Variants in PHAF1 observed in about 807,000 individuals in gnomAD.
PHAF1 encodes phagosome assembly factor 1.
A neutral mutation model predicts 63.1 loss-of-function variants in PHAF1; 23 were observed. The ratio of observed to expected loss-of-function variants is 0.36; its 90% CI spans 0.26 to 0.52. The LOEUF (loss-of-function observed/expected upper bound fraction) is 0.52. Among genes scored for constraint, PHAF1 ranks in the 20% least tolerant of loss-of-function variants. The pLI is 0.93. For missense variants in PHAF1, 427 were observed against 517.2 expected (o/e 0.83, Z 1.69); for synonymous variants, 167 against 185.0 (o/e 0.90, Z 0.79).
intron 4 of PHAF1, 76 bp downstream of exon 4, chr16:67,131,405 A>G: frequency 2.8e-6 from 3 of 1,088,134 alleles, no homozygotes; most frequent in Non-Finnish European, 4.0e-6. Context: ...TAAGTTAGTA[A>G]AGATTCACAT....
At position 67,126,047 on chromosome 16, in the gene PHAF1, CTA is replaced by C. The variant is rs1274675840; in HGVS notation, c.231+8_231+9del. ...GCTTTCAATCAGAGACTTAAGGTAACTATAAATGACAACTAATGTTTCATGTC... is the reference window on the plus strand; with the variant it reads ...GCTTTCAATCAGAGACTTAAGGTAACTAAATGACAACTAATGTTTCATGTC... On this transcript the variant is annotated splice_donor_region_variant and intron_variant, in intron 3 of 15. Transcript: ENST00000219139. The C allele has an allele frequency of 6.3e-7, 1 of 1,598,648 alleles. No individual in the cohort carries two copies. Among genetic ancestry groups the C allele is most frequent in the African/African-American group, 1.3e-5 (1 of 74,598 alleles).
Position 67,132,449 on chromosome 16 carries a change from C to T in PHAF1, c.279C>T (p.Gly93=), listed in dbSNP as rs141238675. 8.1e-6 allele frequency: 13 copies of T among 1,600,104 alleles called. No homozygotes were observed. The East Asian group carries it at 1.1e-4, about 14-fold the overall frequency. Residue 93 remains glycine (G), a synonymous_variant, in exon 5 of 16, where the codon GGC becomes GGT. Transcript: ENST00000219139. ...DLTKVKLKYC[G]VHFNSQAIAP... ...AAAAAATATTTTTGTTTTTCAGTGG[C>T]GTGCATTTTAATTCTCAGGCCATAG...
Position 67,118,586 on chromosome 16 carries a change from C to T in PHAF1, c.65-1526C>T, listed in dbSNP as rs139867477. On this transcript the variant is annotated intron_variant, in intron 1 of 15. Transcript: ENST00000219139. ...TTCTAACCTGATGATCTGCCCATCT[C>T]GGCCTCCCAAAGTGCTGGGATTACA... Among the ~76,000 whole-genome samples the T allele has an allele frequency of 5.2e-4, 79 of 151,812 alleles. 3 individuals carry two copies. The highest frequency in any genetic ancestry group is 3.6e-3 in the Admixed American group (55 of 15,194).
At chr16:67,124,106 G>GA (rs897280244) in intron 2 of PHAF1, among the ~76,000 whole-genome samples, 72 of 143,008 alleles carry the variant, frequency 5.0e-4, no homozygotes, top group East Asian at 1.4e-3. Context: ...ACAATGCCAG[G>GA]AAAAAAAAAA....
intron 1 of PHAF1, among the ~76,000 whole-genome samples, chr16:67,112,535 CAAG>C (rs1360931487): frequency 6.7e-6 from 1 of 149,182 alleles, no homozygotes; most frequent in Admixed American, 6.7e-5. Flanking sequence ...GACCCTGTCT[CAAG>C]GAGACAAAAA....
At position 67,144,380 on chromosome 16, in the gene PHAF1, A is replaced by T; in HGVS notation, c.962+4A>T. 1 of 1,584,548 alleles carries T rather than the reference A, an allele frequency of 6.3e-7. No individual in the cohort carries two copies. Among genetic ancestry groups the T allele is most frequent in the Non-Finnish European group, 8.7e-7 (1 of 1,153,104 alleles). Reference sequence around the variant, plus strand: ...CTGGGCATTATAATTTCAACATGTGAGTACACCTGTCTGTACCTCCCCTCT... The same window carrying T: ...CTGGGCATTATAATTTCAACATGTGTGTACACCTGTCTGTACCTCCCCTCT... On this transcript the variant is annotated splice_donor_region_variant and intron_variant, in intron 11 of 15. Coordinates refer to ENST00000219139, the MANE Select transcript of PHAF1 (RefSeq NM_025187.5).
chr16:67,145,640 T>A lies in PHAF1; in HGVS notation c.1109+12T>A, dbSNP rs375483976. The A allele has an allele frequency of 1.2e-6, 2 of 1,607,970 alleles. No individual in the cohort carries two copies. Among genetic ancestry groups the A allele is most frequent in the Admixed American group, 1.7e-5 (1 of 58,486 alleles). Reference sequence around the variant, plus strand: ...GTTGTCCTGCACAGGTGAGTGGGAGTTTGATGTCCCCGGCCACCCCACCTG... The same window carrying A: ...GTTGTCCTGCACAGGTGAGTGGGAGATTGATGTCCCCGGCCACCCCACCTG... On this transcript the variant is annotated intron_variant, in intron 14 of 15. Coordinates refer to ENST00000219139, the MANE Select transcript of PHAF1 (RefSeq NM_025187.5).
At chr16:67,140,189 T>A in intron 9 of PHAF1, 72 bp downstream of exon 9, 1 of 1,518,846 alleles carries the variant, frequency 6.6e-7, no homozygotes, top group Non-Finnish European at 8.9e-7. Context: ...ATAAACTGTT[T>A]GCTATTTTCC....
chr16:67,111,996 A>G (rs1379089158), intron 1 of PHAF1, among the ~76,000 whole-genome samples: 5 of 152,146 alleles, frequency 3.3e-5, no homozygotes, highest in East Asian at 1.9e-4. Flanking sequence ...GTTCTTTCCA[A>G]AATATTAGCT....
chr16:67,136,258 A>G (rs550755201), intron 8 of PHAF1: 2 of 152,326 alleles, frequency 1.3e-5, no homozygotes, highest in Admixed American at 1.3e-4. Flanking sequence ...GAGCTGAGAT[A>G]GCGCCATTGC....
Position 67,139,966 on chromosome 16 carries a change from C to T in PHAF1, c.662-18C>T. On this transcript the variant is annotated intron_variant, in intron 8 of 15. Coordinates refer to ENST00000219139, the MANE Select transcript of PHAF1 (RefSeq NM_025187.5). ...TCCTAACCATAACCTGACAACCTCT[C>T]TGTCTTGTTTTTTGCAGGTTGTGGA... 1 of 1,614,028 alleles carries T rather than the reference C, an allele frequency of 6.2e-7. No individual in the cohort carries two copies. The highest frequency in any genetic ancestry group is 8.5e-7 in the Non-Finnish European group (1 of 1,179,974).
rs200363425 is a variant in PHAF1 at position 67,110,261 on chromosome 16, A to C, written c.64+22A>C. On this transcript the variant is annotated intron_variant, in intron 1 of 15. Coordinates refer to ENST00000219139, the MANE Select transcript of PHAF1 (RefSeq NM_025187.5). The stretch of plus-strand genomic sequence containing the variant: ...CTGGGTGAGTTTGGGGTCCTCTGTC[A>C]GGACCCCATTCGCTGATCCTTGCTT... 6 of 1,551,162 alleles carry C rather than the reference A, an allele frequency of 3.9e-6. No homozygotes were observed. In the Admixed American group the frequency reaches 9.8e-5, roughly 25 times the overall value.
chr16:67,126,595 G>T (rs28538143), intron 3 of PHAF1, among the ~76,000 whole-genome samples: 4,308 of 134,150 alleles, frequency 0.032, 72 homozygotes, highest in Admixed American at 0.035. Flanking sequence ...TTTGTTTTTG[G>T]TTTTTTTTTT....
intron 1 of PHAF1, among the ~76,000 whole-genome samples, chr16:67,118,290 G>A (rs1426285642): frequency 8.1e-6 from 1 of 123,766 alleles, no homozygotes; most frequent in Non-Finnish European, 1.7e-5. Context: ...TAATTTTTTT[G>A]TATTTTAATA....
chr16:67,116,574 G>A (rs1307977770), intron 1 of PHAF1, among the ~76,000 whole-genome samples: 1 of 152,154 alleles, frequency 6.6e-6, no homozygotes, highest in Admixed American at 6.5e-5. Flanking sequence ...TATTGGCCAC[G>A]TGCGGTGGCT....
intron 8 of PHAF1, 26 bp downstream of exon 8, chr16:67,134,493 A>G: frequency 1.3e-6 from 2 of 1,551,300 alleles, no homozygotes; most frequent in Non-Finnish European, 8.9e-7. Context: ...TGAGGTTGGT[A>G]CATTCCGCAT....
intron 1 of PHAF1, among the ~76,000 whole-genome samples, chr16:67,110,670 C>G (rs892934619): frequency 6.6e-6 from 1 of 152,170 alleles, no homozygotes; most frequent in East Asian, 1.9e-4. Flanking sequence ...TGGTCTGTCT[C>G]CCACTGCTTT....
At chr16:67,122,775 C>T (rs1263257268) in intron 2 of PHAF1, among the ~76,000 whole-genome samples, 2 of 152,092 alleles carry the variant, frequency 1.3e-5, no homozygotes, top group Non-Finnish European at 2.9e-5. Flanking sequence ...GTCACCCAGG[C>T]TGGGGTACAG....
chr16:67,134,216 A>G lies in PHAF1; in HGVS notation c.499A>G (p.Thr167Ala). 1 of 1,614,154 alleles carries G rather than the reference A, an allele frequency of 6.2e-7. No homozygotes were observed. Among genetic ancestry groups the G allele is most frequent in the South Asian group, 1.1e-5 (1 of 91,084 alleles). ...LASLQIPHGATVKRMYIYSGN... is the reference protein window; with the variant it reads ...LASLQIPHGAAVKRMYIYSGN... ...TTCTCTCCAGATACCCCATGGAGCA[A>G]CTGTAAAACGAATGTACATCTACAG... is the stretch of plus-strand genomic sequence containing the variant. Residue 167 changes from threonine (T) to alanine (A), a missense_variant, in exon 7 of 16, where the codon ACT becomes GCT. Thr to Ala is a moderately conservative substitution (Grantham distance 58). Coordinates refer to ENST00000219139, the MANE Select transcript of PHAF1 (RefSeq NM_025187.5).
Sources: gnomAD v4.1 joint callset for allele counts (sites outside exome capture counted in the v4.1 genomes callset) on GRCh38, gnomAD v4.1.1 for gene constraint, MANE v1.5 for transcripts, NCBI Gene and HGNC (gene_info 2026-07-23, HGNC 2026-07-21) for gene names.